The following MTHFD2 variants were observed in gnomAD, a reference collection of about 807,000 sequenced individuals.
MTHFD2 encodes the protein methylenetetrahydrofolate dehydrogenase (NADP+ dependent) 2, methenyltetrahydrofolate cyclohydrolase.
Under a neutral mutation model 36.8 loss-of-function variants are expected in MTHFD2, and 26 were observed. The observed-to-expected ratio is 0.71, with a 90% CI of 0.52 to 0.98. The LOEUF (loss-of-function observed/expected upper bound fraction) is 0.98, where lower values mean the gene tolerates loss of function less well. MTHFD2 is among the 50% of genes least tolerant of loss of function. MTHFD2 has a pLI of 0.00. For synonymous variants in MTHFD2, 164 were observed against 155.2 expected, an observed-to-expected ratio of 1.06 and a Z score of -0.42; for missense variants, 373 against 434.0, an observed-to-expected ratio of 0.86 and a Z score of 1.25.
chr2:74,202,542 ACT>A (rs1694064694), intron 1 of MTHFD2, among the ~76,000 whole-genome samples: 1 of 151,070 alleles, frequency 6.6e-6, no homozygotes, highest in African/African-American at 2.4e-5. Flanking sequence ...ATGGAGTCTG[ACT>A]CTGTTGCCCA....
At chr2:74,205,428 C>T (rs566320848) in intron 1 of MTHFD2, among the ~76,000 whole-genome samples, 1 of 152,292 alleles carries the variant, frequency 6.6e-6, no homozygotes, top group African/African-American at 2.4e-5. Flanking sequence ...GTCACTTAAA[C>T]TCCCTGAGCT....
rs183004665 is a variant in MTHFD2, at chr2:74,204,989, C to T, written c.102-716C>T. ...TACAGGAGCCCACCACTACGCCCAG[C>T]TAATTTTTGTATTTTTAGTAGAGAC... On this transcript the variant is annotated intron_variant, in intron 1 of 7. Transcript: ENST00000394053. Among the ~76,000 whole-genome samples, 118 of 152,198 alleles carry T rather than the reference C, an allele frequency of 7.8e-4. 2 individuals are homozygous for T. The East Asian group carries it at 0.021, about 27-fold the overall frequency.
Position 74,214,884 on chromosome 2 carries a change from A to T in MTHFD2, c.*642A>T, listed in dbSNP as rs1694398237. On this transcript the variant is annotated 3_prime_UTR_variant, in exon 8 of 8. Transcript: ENST00000394053. ...GGATTATTCCTTGCTATTAGTACTC[A>T]TTTTATGTATGTTACCCTTCAGTAA... The T allele has an allele frequency of 6.6e-6, 1 of 152,266 alleles. No individual in the cohort carries two copies. Among genetic ancestry groups the T allele is most frequent in the African/African-American group, 2.4e-5 (1 of 41,442 alleles). 9.4% of individuals were successfully genotyped at this position (152,266 alleles called of 1,614,324 possible). A position where few individuals can be genotyped will look rare whatever the true frequency, so the allele number is the denominator to read the frequency against.
intron 1 of MTHFD2, among the ~76,000 whole-genome samples, chr2:74,199,900 T>C (rs1694003889): frequency 6.6e-6 from 1 of 152,146 alleles, no homozygotes; most frequent in Non-Finnish European, 1.5e-5. Flanking sequence ...CCCTGCACCT[T>C]ACAACATCAG....
chr2:74,203,636 T>C (rs746726992), intron 1 of MTHFD2, among the ~76,000 whole-genome samples: 1 of 152,048 alleles, frequency 6.6e-6, no homozygotes, highest in African/African-American at 2.4e-5. Flanking sequence ...TCAAAAAAAA[T>C]AAATAAATAA....
Position 74,201,779 on chromosome 2 carries a change from T to C in MTHFD2, c.101+3037T>C, listed in dbSNP as rs191952272. Reference sequence around the variant, plus strand: ...GTTTATTTTGGGGTAGCAGTTAATCTGCCCCTTGGCAAAAGAGATGATGCT... The same window carrying C: ...GTTTATTTTGGGGTAGCAGTTAATCCGCCCCTTGGCAAAAGAGATGATGCT... On this transcript the variant is annotated intron_variant, in intron 1 of 7. Coordinates refer to ENST00000394053, the MANE Select transcript of MTHFD2 (RefSeq NM_006636.4). Among the ~76,000 whole-genome samples, 855 of 152,384 alleles carry C rather than the reference T, an allele frequency of 5.6e-3. 8 individuals are homozygous for C. The highest frequency in any genetic ancestry group is 0.019 in the African/African-American group (770 of 41,594).
In MTHFD2 at chr2:74,214,470, A is replaced by G. The variant is rs1694386085; in HGVS notation, c.*228A>G. The G allele has an allele frequency of 9.1e-6, 3 of 331,190 alleles. No individual in the cohort carries two copies. The highest frequency in any genetic ancestry group is 1.7e-5 in the Non-Finnish European group (3 of 178,930). The allele number at this position is 331,190 out of a possible 1,614,324, so 20.5% of individuals were successfully genotyped here. A position where few individuals can be genotyped will look rare whatever the true frequency, so the allele number is the denominator to read the frequency against. On this transcript the variant is annotated 3_prime_UTR_variant, in exon 8 of 8. Transcript: ENST00000394053. ...TCCTGTGATCTAGCCAGGAGCAGCC[A>G]TTAACCTAGTGATTAATATGGGAGA...
At chr2:74,205,945 A>G in intron 2 of MTHFD2, 56 bp downstream of exon 2, 1 of 1,524,790 alleles carries the variant, frequency 6.6e-7, no homozygotes, top group East Asian at 2.3e-5. Flanking sequence ...TATGAGGCAA[A>G]GTCCATTCTA....
intron 7 of MTHFD2, among the ~76,000 whole-genome samples, chr2:74,212,074 C>A (rs775485705): frequency 6.7e-6 from 1 of 149,064 alleles, no homozygotes; most frequent in Admixed American, 6.7e-5. Flanking sequence ...CTCAGCCTCC[C>A]GAGTAGCTGG....
chr2:74,208,883 G>GT (rs1050963711), intron 4 of MTHFD2, among the ~76,000 whole-genome samples, 162 bp downstream of exon 4: 32 of 150,156 alleles, frequency 2.1e-4, no homozygotes, highest in East Asian at 3.9e-4. Flanking sequence ...TTTGTTTTTT[G>GT]TTTTTTTTGA....
At chr2:74,208,168 A>AACT (rs1188609292) in intron 3 of MTHFD2, among the ~76,000 whole-genome samples, 1 of 152,218 alleles carries the variant, frequency 6.6e-6, no homozygotes, top group Non-Finnish European at 1.5e-5. Context: ...TACAGGCATG[A>AACT]ACTACCATGC....
At chr2:74,208,876 G>GT (rs933381267) in intron 4 of MTHFD2, among the ~76,000 whole-genome samples, 155 bp downstream of exon 4, 11 of 150,508 alleles carry the variant, frequency 7.3e-5, no homozygotes, top group Admixed American at 5.9e-4. Flanking sequence ...TTTTTTTTTT[G>GT]TTTTTTGTTT....
chr2:74,198,793 G>A (rs1298110328), intron 1 of MTHFD2, 51 bp downstream of exon 1: 2 of 1,494,076 alleles, frequency 1.3e-6, no homozygotes, highest in South Asian at 1.2e-5. Context: ...GGGAACGGAG[G>A]GCGAGGGGCA....
chr2:74,209,266 G>T lies in MTHFD2; in HGVS notation c.562+545G>T, dbSNP rs568679117. ...TTTTCTTTTTTTTTGTTTTTGAGAC[G>T]GAGTCTTGCTCTGTTGCCCAGGCTG... On this transcript the variant is annotated intron_variant, in intron 4 of 7. Transcript: ENST00000394053. Among the ~76,000 whole-genome samples, 5 of 144,300 alleles carry T rather than the reference G, an allele frequency of 3.5e-5. No individual in the cohort carries two copies. In the Admixed American group the frequency reaches 3.5e-4, roughly 10 times the overall value. 94.7% of individuals were successfully genotyped at this position (144,300 alleles called of 152,430 possible).
intron 6 of MTHFD2, 149 bp from the exon 7 acceptor site, chr2:74,211,592 G>C: frequency 1.4e-6 from 1 of 739,026 alleles, no homozygotes; most frequent in Non-Finnish European, 1.9e-6. Flanking sequence ...AATAATAAAA[G>C]TAAATAGTTC....
In MTHFD2 at chr2:74,211,226, G is replaced by A. The variant is rs773912071; in HGVS notation, c.698G>A (p.Arg233Gln). 7 of 1,606,220 alleles carry A rather than the reference G, an allele frequency of 4.4e-6. No individual in the cohort carries two copies. Among genetic ancestry groups the A allele is most frequent in the Admixed American group, 1.7e-5 (1 of 59,768 alleles). ...GGDATVTISH[R>Q]YTPKEQLKKH... ...GATGCCACTGTTACAATATCTCATC[G>A]ATATACTCCCAAAGAGCAGTTGAAG... The change falls in exon 6 of 8, where the codon CGA (arginine) becomes CAA (glutamine). Residue 233 changes from arginine (R) to glutamine (Q), a missense_variant. Arg to Gln is a conservative substitution (Grantham distance 43). Coordinates refer to ENST00000394053, the MANE Select transcript of MTHFD2 (RefSeq NM_006636.4).
chr2:74,200,884 A>G (rs939898692), intron 1 of MTHFD2, among the ~76,000 whole-genome samples: 1 of 152,198 alleles, frequency 6.6e-6, no homozygotes, highest in Admixed American at 6.5e-5. Flanking sequence ...TTGATTATGA[A>G]TTGTAAAATG....
rs2103844533 is a variant in MTHFD2, at chr2:74,215,105, G to A, written c.*863G>A. On this transcript the variant is annotated 3_prime_UTR_variant, in exon 8 of 8. Coordinates refer to ENST00000394053, the MANE Select transcript of MTHFD2 (RefSeq NM_006636.4). The stretch of plus-strand genomic sequence containing the variant: ...ATAATCATTTGGGCAGCTTGGGTAA[G>A]TACGCAACTTACTTTTCCACCAAAG... 1 of 152,744 alleles carries A rather than the reference G, an allele frequency of 6.5e-6. No homozygotes were observed. Among genetic ancestry groups the A allele is most frequent in the South Asian group, 2.1e-4 (1 of 4,832 alleles). 9.5% of individuals were successfully genotyped at this position (152,744 alleles called of 1,614,324 possible). A position where few individuals can be genotyped will look rare whatever the true frequency, so the allele number is the denominator to read the frequency against.
chr2:74,210,137 A>C (rs1326017131), intron 5 of MTHFD2, 88 bp downstream of exon 5: 2 of 979,220 alleles, frequency 2.0e-6, no homozygotes, highest in East Asian at 2.8e-5. Flanking sequence ...GGAAGTATTA[A>C]CTCTGTTATA....
Sources: gnomAD v4.1 joint callset for allele counts (sites outside exome capture counted in the v4.1 genomes callset) on GRCh38, gnomAD v4.1.1 for gene constraint, MANE v1.5 for transcripts, NCBI Gene and HGNC (gene_info 2026-07-23, HGNC 2026-07-21) for gene names.